ROR1: variants seen among roughly 807,000 people sequenced by gnomAD.
The protein encoded by ROR1 is inactive tyrosine-protein kinase transmembrane receptor ROR1.
In ROR1, 19 loss-of-function variants were observed where a neutral mutation model predicts 78.8. The observed-to-expected ratio is 0.24, with a 90% CI of 0.17 to 0.35. The LOEUF is 0.35. Ranked by LOEUF, ROR1 falls within the 10% of genes least tolerant of loss-of-function variation. The pLI is 1.00. For synonymous variants in ROR1, 386 were observed against 433.6 expected (o/e 0.89, Z 1.36); for missense variants, 917 against 1,177.8 (o/e 0.78, Z 3.24).
intron 1 of ROR1, among the ~76,000 whole-genome samples, chr1:63,922,441 C>G (rs1209819191): frequency 6.6e-6 from 1 of 152,162 alleles, no homozygotes; most frequent in East Asian, 1.9e-4. Context: ...CCTCTGGTAT[C>G]TGGTTAACAG....
rs1020406041 is a variant in ROR1, at chr1:63,774,965, C to T, written c.91+457C>T. ...AGTTTGGATTTTCAGTGGTGCTCGC[C>T]AGAGCCCAGGCGGCTCGCGGATCGA... On this transcript the variant is annotated intron_variant, in intron 1 of 8. Transcript: ENST00000371079. This position sits in a 1 kb window ranked among gnomAD's most constrained non-coding sequence, Gnocchi z 5.7. 1.1e-4 allele frequency among the ~76,000 whole-genome samples: 17 copies of T among 152,200 alleles called. No homozygotes were observed. In the East Asian group the frequency reaches 3.3e-3, roughly 30 times the overall value.
At chr1:63,932,289 C>T (rs1196141008) in intron 1 of ROR1, among the ~76,000 whole-genome samples, 1 of 152,022 alleles carries the variant, frequency 6.6e-6, no homozygotes, top group Non-Finnish European at 1.5e-5. Context: ...GGGGCCCCAG[C>T]TGAGTGGGAA....
intron 1 of ROR1, among the ~76,000 whole-genome samples, chr1:63,937,127 T>C (rs1052354637): frequency 6.6e-6 from 1 of 152,204 alleles, no homozygotes; most frequent in African/African-American, 2.4e-5. Context: ...AATTTTCGGC[T>C]TCCTTCACTT....
intron 1 of ROR1, among the ~76,000 whole-genome samples, chr1:63,851,548 C>T (rs1206159419): frequency 1.3e-5 from 2 of 152,036 alleles, no homozygotes; most frequent in East Asian, 1.9e-4. Context: ...AAAAAAAGAC[C>T]ACCATCACTC....
At chr1:64,060,248 T>C (rs897390212) in intron 4 of ROR1, among the ~76,000 whole-genome samples, 4 of 152,226 alleles carry the variant, frequency 2.6e-5, no homozygotes, top group Non-Finnish European at 2.9e-5. Context: ...TAGCTAGCAC[T>C]GTACCTGATG....
At chr1:64,152,931 A>G (rs903103532) in intron 7 of ROR1, among the ~76,000 whole-genome samples, 7 of 152,182 alleles carry the variant, frequency 4.6e-5, no homozygotes, top group Non-Finnish European at 7.4e-5. Flanking sequence ...TTATTATTCA[A>G]CCTTTCATCT....
At chr1:64,027,410 A>G (rs2100564331) in intron 2 of ROR1, among the ~76,000 whole-genome samples, 1 of 152,320 alleles carries the variant, frequency 6.6e-6, no homozygotes, top group African/African-American at 2.4e-5. Context: ...CTGCTGCTCC[A>G]TAACATCAAC....
rs137877448 is a variant in ROR1 at position 63,890,170 on chromosome 1, A to G, written c.91+115662A>G. On this transcript the variant is annotated intron_variant, in intron 1 of 8. Coordinates refer to ENST00000371079, the MANE Select transcript of ROR1 (RefSeq NM_005012.4). ...TGGCCTATTAAAAATGTAAACATCT[A>G]TCTGCTTTTTAATGTCCATACCAAG... Among the ~76,000 whole-genome samples, 445 of 152,202 alleles carry G rather than the reference A, an allele frequency of 2.9e-3. 4 individuals are homozygous for G. Among genetic ancestry groups the G allele is most frequent in the African/African-American group, 0.01 (422 of 41,536 alleles).
rs71056022 is a variant in ROR1 at position 64,121,231 on chromosome 1, C to CTCCT, written c.483-16114_483-16111dup. Among the ~76,000 whole-genome samples the CTCCT allele has an allele frequency of 7.0e-3, 972 of 138,682 alleles. 16 individuals carry two copies. The highest frequency in any genetic ancestry group is 0.024 in the African/African-American group (860 of 36,142). The allele number at this position is 138,682 out of a possible 152,430, so 91.0% of individuals were successfully genotyped here. On this transcript the variant is annotated intron_variant, in intron 4 of 8. Coordinates refer to ENST00000371079, the MANE Select transcript of ROR1 (RefSeq NM_005012.4). ...CCTCCTCCCCTGCTTTCCTCCTTTCCTCCTTCCTTCCTTCCTTCCTTCCTT... is the reference window on the plus strand; with the variant it reads ...CCTCCTCCCCTGCTTTCCTCCTTTCCTCCTTCCTTCCTTCCTTCCTTCCTTCCTT...
Position 63,942,435 on chromosome 1 carries a change from AT to A in ROR1, c.92-66861del, listed in dbSNP as rs971310773. On this transcript the variant is annotated intron_variant, in intron 1 of 8. Transcript: ENST00000371079. The stretch of plus-strand genomic sequence containing the variant: ...GTGTCTATTATGATTTTTATGTACC[AT>A]TTTTTTTTCATATTTGTGATGACTT... 1.4e-4 allele frequency among the ~76,000 whole-genome samples: 20 copies of A among 145,426 alleles called. No individual in the cohort carries two copies. The East Asian group carries it at 2.2e-3, about 16-fold the overall frequency.
intron 4 of ROR1, among the ~76,000 whole-genome samples, chr1:64,135,036 G>A (rs1054918855): frequency 6.6e-6 from 1 of 151,998 alleles, no homozygotes; most frequent in African/African-American, 2.4e-5. Context: ...ATTCTCATAA[G>A]GAGCCAAGAC....
At chr1:63,982,131 G>A (rs1646215428) in intron 1 of ROR1, among the ~76,000 whole-genome samples, 1 of 152,056 alleles carries the variant, frequency 6.6e-6, no homozygotes, top group Non-Finnish European at 1.5e-5. Context: ...ATCCCCAATT[G>A]GCAGATGAAG....
intron 1 of ROR1, among the ~76,000 whole-genome samples, chr1:63,878,737 C>T (rs1010403989): frequency 6.6e-6 from 1 of 152,084 alleles, no homozygotes; most frequent in East Asian, 1.9e-4. Context: ...CCTGGTTACT[C>T]TCATCCAGGG....
intron 4 of ROR1, among the ~76,000 whole-genome samples, chr1:64,061,346 C>T (rs542695503): frequency 6.6e-6 from 1 of 152,268 alleles, no homozygotes; most frequent in East Asian, 1.9e-4. Flanking sequence ...TTTACACTTT[C>T]CCTTCCTATA....
intron 1 of ROR1, among the ~76,000 whole-genome samples, chr1:63,963,588 A>G (rs1314432263): frequency 6.7e-6 from 1 of 149,364 alleles, no homozygotes; most frequent in Non-Finnish European, 1.5e-5. Context: ...AAACAAAACA[A>G]AAAAAAAAAC....
At chr1:64,015,169 GAAC>G (rs1465994809) in intron 2 of ROR1, among the ~76,000 whole-genome samples, 1 of 151,962 alleles carries the variant, frequency 6.6e-6, no homozygotes, top group African/African-American at 2.4e-5. Context: ...ACTATCACGT[GAAC>G]AACACAAGAA....
chr1:63,780,847 A>T (rs543552709), intron 1 of ROR1, among the ~76,000 whole-genome samples: 1 of 152,128 alleles, frequency 6.6e-6, no homozygotes, highest in Non-Finnish European at 1.5e-5. Context: ...GAATCCTACA[A>T]TGGGGAATGT....
chr1:64,156,494 G>A (rs953258568), intron 7 of ROR1, among the ~76,000 whole-genome samples: 3 of 152,022 alleles, frequency 2.0e-5, no homozygotes, highest in Admixed American at 2.0e-4. Context: ...GGATCACGAG[G>A]TCAAGAGATC....
intron 1 of ROR1, among the ~76,000 whole-genome samples, chr1:63,932,853 C>G (rs1410967195): frequency 6.6e-6 from 1 of 152,164 alleles, no homozygotes; most frequent in South Asian, 2.1e-4. Flanking sequence ...TGATTTTTAC[C>G]TGGAGCTTGA....
Sources: gnomAD v4.1 joint callset for allele counts (sites outside exome capture counted in the v4.1 genomes callset) on GRCh38, gnomAD v4.1.1 for gene constraint, Gnocchi (gnomAD v3.1) non-coding constraint, MANE v1.5 for transcripts, NCBI Gene and HGNC (gene_info 2026-07-23, HGNC 2026-07-21) for gene names.